Variants in SLC16A9 observed in about 807,000 individuals in gnomAD.
SLC16A9 encodes the protein solute carrier family 16 member 9.
A neutral mutation model predicts 44.3 loss-of-function variants in SLC16A9; 26 were observed. That is an observed-to-expected ratio of 0.59 (90% confidence interval 0.43 to 0.81). The LOEUF is 0.81. Ranked by LOEUF, SLC16A9 falls within the 40% of genes least tolerant of loss-of-function variation. SLC16A9 has a pLI of 0.00. For synonymous variants in SLC16A9, 230 were observed against 225.1 expected (o/e 1.02, Z -0.19); for missense variants, 559 against 595.8 (o/e 0.94, Z 0.64).
chr10:59,677,522 A>G (rs986441931), intron 2 of SLC16A9, among the ~76,000 whole-genome samples: 5 of 152,222 alleles, frequency 3.3e-5, no homozygotes, highest in Non-Finnish European at 5.9e-5. Context: ...AGAAAAGGAC[A>G]CAGAGAAATC....
chr10:59,693,115 G>A (rs1840287398), intron 1 of SLC16A9, among the ~76,000 whole-genome samples: 1 of 152,106 alleles, frequency 6.6e-6, no homozygotes, highest in Non-Finnish European at 1.5e-5. Flanking sequence ...CTGTTCAAGG[G>A]GTAAAAAGTG....
intron 1 of SLC16A9, among the ~76,000 whole-genome samples, chr10:59,703,636 T>A (rs1840573649): frequency 6.6e-6 from 1 of 152,170 alleles, no homozygotes; most frequent in Admixed American, 6.5e-5. Context: ...TCTGGCCAAG[T>A]CTGGTCTCTT....
intron 1 of SLC16A9, among the ~76,000 whole-genome samples, chr10:59,696,396 T>C (rs538794525): frequency 6.6e-6 from 1 of 152,334 alleles, no homozygotes; most frequent in South Asian, 2.1e-4. Context: ...GGAGTTGCGT[T>C]CACTCAGTGC....
At chr10:59,700,826 C>T (rs1840506728) in intron 1 of SLC16A9, among the ~76,000 whole-genome samples, 1 of 152,176 alleles carries the variant, frequency 6.6e-6, no homozygotes, top group Non-Finnish European at 1.5e-5. Flanking sequence ...TTTGTCAGCA[C>T]AGCCTCCTCA....
chr10:59,688,437 A>C (rs1020946672), intron 1 of SLC16A9, among the ~76,000 whole-genome samples: 1 of 152,160 alleles, frequency 6.6e-6, no homozygotes, highest in African/African-American at 2.4e-5. Context: ...GAGATGTTAC[A>C]ATTAGTGAAC....
intron 1 of SLC16A9, among the ~76,000 whole-genome samples, chr10:59,697,469 T>C (rs1452991226): frequency 2.6e-5 from 4 of 151,812 alleles, no homozygotes; most frequent in Non-Finnish European, 5.9e-5. Context: ...GTGCTGTGTC[T>C]ACTCAGGGTT....
intron 4 of SLC16A9, among the ~76,000 whole-genome samples, chr10:59,659,170 T>C (rs1270724426): frequency 3.9e-5 from 6 of 152,142 alleles, no homozygotes; most frequent in Non-Finnish European, 8.8e-5. Flanking sequence ...TTTTATATTT[T>C]CCCCCTCAGT....
intron 4 of SLC16A9, among the ~76,000 whole-genome samples, chr10:59,661,410 G>A (rs1839472322): frequency 6.6e-6 from 1 of 152,078 alleles, no homozygotes; most frequent in South Asian, 2.1e-4. Flanking sequence ...GCTACATAGA[G>A]AATAAAATAC....
At chr10:59,655,827 A>G (rs1839338119) in intron 4 of SLC16A9, among the ~76,000 whole-genome samples, 2 of 152,234 alleles carry the variant, frequency 1.3e-5, no homozygotes, top group South Asian at 4.1e-4. Context: ...ATTAAATTAC[A>G]TTATAATCTC....
intron 4 of SLC16A9, among the ~76,000 whole-genome samples, chr10:59,654,935 T>C (rs900456800): frequency 1.3e-5 from 2 of 152,086 alleles, no homozygotes; most frequent in Admixed American, 1.3e-4. Context: ...AGATCAAAAA[T>C]CTGTAAAGAA....
intron 1 of SLC16A9, among the ~76,000 whole-genome samples, chr10:59,688,105 A>G (rs1840174570): frequency 6.6e-6 from 1 of 152,166 alleles, no homozygotes; most frequent in African/African-American, 2.4e-5. Flanking sequence ...TGTACCTTCC[A>G]TGTCTCTTCA....
At chr10:59,703,098 AT>A (rs1840560156) in intron 1 of SLC16A9, among the ~76,000 whole-genome samples, 1 of 152,254 alleles carries the variant, frequency 6.6e-6, no homozygotes, top group Non-Finnish European at 1.5e-5. Flanking sequence ...GAAAGGGACA[AT>A]AAATACAGGT....
chr10:59,687,347 T>C (rs992990634), intron 1 of SLC16A9, among the ~76,000 whole-genome samples: 1 of 152,246 alleles, frequency 6.6e-6, no homozygotes, highest in African/African-American at 2.4e-5. Flanking sequence ...CTTTGTTGGA[T>C]TTCTTTTACG....
chr10:59,702,938 T>C (rs1840556987), intron 1 of SLC16A9, among the ~76,000 whole-genome samples: 1 of 152,216 alleles, frequency 6.6e-6, no homozygotes, highest in Non-Finnish European at 1.5e-5. Flanking sequence ...TTGCTTTGTC[T>C]GAACACCATC....
intron 1 of SLC16A9, among the ~76,000 whole-genome samples, chr10:59,689,813 G>A (rs917042940): frequency 3.9e-5 from 6 of 152,120 alleles, no homozygotes; most frequent in African/African-American, 1.4e-4. Flanking sequence ...GTAAAGCTGA[G>A]GAATATTGTT....
chr10:59,651,577 T>C lies in SLC16A9; in HGVS notation c.*1195A>G, dbSNP rs1272360565. ...CCAGGTACCTATATTTTCAAAAAGA[T>C]CTATAGGGAATTCTGATGCATACCA... is the stretch of plus-strand genomic sequence containing the variant. On this transcript the variant is annotated 3_prime_UTR_variant, in exon 6 of 6. Coordinates refer to ENST00000395348, the MANE Select transcript of SLC16A9 (RefSeq NM_194298.3). The C allele has an allele frequency of 6.6e-6, 1 of 152,148 alleles. No homozygotes were observed. The highest frequency in any genetic ancestry group is 1.5e-5 in the Non-Finnish European group (1 of 68,016). The allele number at this position is 152,148 out of a possible 1,614,324, so 9.4% of individuals were successfully genotyped here. A position where few individuals can be genotyped will look rare whatever the true frequency, so the allele number is the denominator to read the frequency against.
intron 1 of SLC16A9, 130 bp from the exon 2 acceptor site, chr10:59,684,457 A>G: frequency 2.1e-6 from 1 of 472,886 alleles, no homozygotes; most frequent in Admixed American, 3.7e-5. Context: ...GAAAAGCATA[A>G]AATATCACTG....
chr10:59,662,633 CAAAAAAAAAA>C (rs71006278), intron 4 of SLC16A9, among the ~76,000 whole-genome samples: 2 of 43,632 alleles, frequency 4.6e-5, no homozygotes, highest in African/African-American at 9.3e-5. Flanking sequence ...AACTCCATCT[CAAAAAAAAAA>C]AAAAAAAAAA....
Position 59,684,274 on chromosome 10 carries a change from C to T in SLC16A9, c.18G>A (p.Ser6=), listed in dbSNP as rs370558954. Residue 6 remains serine, a synonymous_variant, in exon 2 of 6, where the codon TCG becomes TCA. Coordinates refer to ENST00000395348, the MANE Select transcript of SLC16A9 (RefSeq NM_194298.3). MELKK[S]PDGGWGWVIV... ...TCACCCAGCCCCATCCACCGTCAGG[C>T]GACTTTTTAAGTTCCATTGTAAGAC... 19 of 1,612,550 alleles carry T rather than the reference C, an allele frequency of 1.2e-5. No individual in the cohort carries two copies. Among genetic ancestry groups the T allele is most frequent in the Non-Finnish European group, 1.4e-5 (17 of 1,179,478 alleles).
Sources: allele counts gnomAD v4.1 joint callset (sites outside exome capture counted in the v4.1 genomes callset), GRCh38; gene constraint gnomAD v4.1.1; transcripts MANE v1.5; gene names NCBI Gene and HGNC (gene_info 2026-07-23, HGNC 2026-07-21).